The following LMNB1 variants were observed in gnomAD, a reference collection of about 807,000 sequenced individuals.
LMNB1 encodes the protein lamin B1.
Under a neutral mutation model 67.1 loss-of-function variants are expected in LMNB1, and 23 were observed. The observed-to-expected ratio is 0.34, with a 90% CI of 0.25 to 0.49. The LOEUF (loss-of-function observed/expected upper bound fraction) is 0.49, where lower values mean the gene tolerates loss of function less well. Among genes scored for constraint, LMNB1 ranks in the 20% least tolerant of loss-of-function variants. The pLI, the probability that LMNB1 is intolerant of heterozygous loss-of-function variation, is 0.99. For synonymous variants in LMNB1, 281 were observed against 282.9 expected (o/e 0.99, Z 0.07); for missense variants, 634 against 746.5 (o/e 0.85, Z 1.76).
intron 5 of LMNB1, among the ~76,000 whole-genome samples, chr5:126,815,557 A>G (rs1751686532): frequency 6.6e-6 from 1 of 152,182 alleles, no homozygotes; most frequent in South Asian, 2.1e-4. Flanking sequence ...ATTACATTAC[A>G]TACTATAAAA....
intron 3 of LMNB1, among the ~76,000 whole-genome samples, chr5:126,809,709 A>C (rs1751537564): frequency 6.6e-6 from 1 of 152,178 alleles, no homozygotes; most frequent in African/African-American, 2.4e-5. Context: ...AAAAGAAAAG[A>C]AAATAGTTTC....
intron 5 of LMNB1, among the ~76,000 whole-genome samples, chr5:126,812,618 C>T (rs1244049324): frequency 6.6e-6 from 1 of 151,988 alleles, no homozygotes; most frequent in African/African-American, 2.4e-5. Flanking sequence ...CAGCAATTAA[C>T]TCGTCACCTT....
At chr5:126,788,407 T>C (rs1342340993) in intron 1 of LMNB1, among the ~76,000 whole-genome samples, 2 of 151,982 alleles carry the variant, frequency 1.3e-5, no homozygotes, top group Non-Finnish European at 2.9e-5. Flanking sequence ...GGAGGCTGAG[T>C]GTGTGGATCA....
At chr5:126,787,546 A>ATATATATATATATTTTTTTT in intron 1 of LMNB1, among the ~76,000 whole-genome samples, 2 of 65,576 alleles carry the variant, frequency 3.0e-5, no homozygotes, top group Admixed American at 2.2e-4. Flanking sequence ...ATATATATAT[A>ATATATATATATATTTTTTTT]TTTTTTTTTT....
At chr5:126,827,721 A>T (rs1446477198) in intron 9 of LMNB1, among the ~76,000 whole-genome samples, 1 of 152,214 alleles carries the variant, frequency 6.6e-6, no homozygotes, top group African/African-American at 2.4e-5. Flanking sequence ...GCCCTAGAAA[A>T]TATTGACATT....
rs1258278421 is a variant in LMNB1 at position 126,818,970 on chromosome 5, A to G, written c.988A>G (p.Lys330Glu). 1.2e-6 allele frequency: 2 copies of G among 1,614,070 alleles called. No individual in the cohort carries two copies. The highest frequency in any genetic ancestry group is 8.5e-7 in the Non-Finnish European group (1 of 1,180,006). Residue 330 changes from lysine (K) to glutamate (E), a missense_variant, in exon 6 of 11, where the codon AAA (lysine) becomes GAA (glutamate). By Grantham distance (56) the Lys-to-Glu change is moderately conservative (BLOSUM62 1). Coordinates refer to ENST00000261366, the MANE Select transcript of LMNB1 (RefSeq NM_005573.4). ...TCAAGAATTAGAGGACTTGCTTGCTAAAGAAAAAGACAACTCTCGTCGCAT... is the reference window on the plus strand; with the variant it reads ...TCAAGAATTAGAGGACTTGCTTGCTGAAGAAAAAGACAACTCTCGTCGCAT... Reference protein sequence around the residue: ...RIQELEDLLAKEKDNSRRMLT... With the variant: ...RIQELEDLLAEEKDNSRRMLT...
intron 9 of LMNB1, among the ~76,000 whole-genome samples, chr5:126,829,409 T>C (rs1580558126): frequency 6.6e-6 from 1 of 151,910 alleles, no homozygotes; most frequent in East Asian, 1.9e-4. Flanking sequence ...GTGCTCTTTA[T>C]GGTGGAGTTT....
At chr5:126,810,446 T>C in intron 4 of LMNB1, 96 bp downstream of exon 4, 1 of 958,234 alleles carries the variant, frequency 1.0e-6, no homozygotes, top group Non-Finnish European at 1.5e-6. Context: ...GTTCTAGTTT[T>C]TAAAAATGAT....
At chr5:126,801,020 C>G (rs1252606837) in intron 1 of LMNB1, among the ~76,000 whole-genome samples, 1 of 101,022 alleles carries the variant, frequency 9.9e-6, no homozygotes, top group South Asian at 3.6e-4. Flanking sequence ...GTCTCACTCT[C>G]TCACCAAGGC....
intron 1 of LMNB1, among the ~76,000 whole-genome samples, chr5:126,785,780 G>T (rs1235345839): frequency 1.3e-5 from 2 of 152,002 alleles, no homozygotes; most frequent in Non-Finnish European, 2.9e-5. Flanking sequence ...TTTGGAGGCC[G>T]AGGTGGGCGG....
Position 126,777,731 on chromosome 5 carries a change from C to G in LMNB1, c.223C>G (p.Leu75Val). The G allele has an allele frequency of 1.9e-6, 3 of 1,540,740 alleles. No homozygotes were observed. The highest frequency in any genetic ancestry group is 1.7e-4 in the Middle Eastern group (1 of 5,802). Residue 75 changes from leucine to valine, a missense_variant, in exon 1 of 11, where the codon CTC becomes GTC. Physicochemically the swap from Leu to Val is conservative, Grantham distance 32. Transcript: ENST00000261366. ...TEREEVRGRELTGLKALYETE... is the reference protein window; with the variant it reads ...TEREEVRGREVTGLKALYETE... ...GCGCGAGGAGGTGCGCGGCCGTGAG[C>G]TCACCGGCCTCAAGGCGCTCTACGA...
chr5:126,788,552 A>G (rs1750868197), intron 1 of LMNB1, among the ~76,000 whole-genome samples: 1 of 152,088 alleles, frequency 6.6e-6, no homozygotes, highest in Non-Finnish European at 1.5e-5. Flanking sequence ...CAGGAGAATC[A>G]CTTGAACCTG....
At position 126,817,568 on chromosome 5, in the gene LMNB1, A is replaced by G. The variant is rs144468891; in HGVS notation, c.940-1354A>G. ...TCTGACTTGAATCTAGTAGGACAGC[A>G]TTCAATTTTGGCTTCCTTTCTGACA... On this transcript the variant is annotated intron_variant, in intron 5 of 10. Transcript: ENST00000261366. 2.1e-4 allele frequency among the ~76,000 whole-genome samples: 32 copies of G among 152,312 alleles called. No homozygotes were observed. In the East Asian group the frequency reaches 4.0e-3, roughly 19 times the overall value.
chr5:126,805,805 T>TA, intron 3 of LMNB1, 109 bp downstream of exon 3: 1 of 845,224 alleles, frequency 1.2e-6, no homozygotes, highest in Non-Finnish European at 1.7e-6. Flanking sequence ...GCCACAAAAA[T>TA]ATATCAGATA....
chr5:126,786,221 C>T (rs906556512), intron 1 of LMNB1, among the ~76,000 whole-genome samples: 1 of 146,032 alleles, frequency 6.8e-6, no homozygotes, highest in Admixed American at 7.1e-5. Context: ...CTCTTGAGTT[C>T]ACGCCATTCT....
At chr5:126,792,661 C>T (rs1158978997) in intron 1 of LMNB1, among the ~76,000 whole-genome samples, 2 of 149,848 alleles carry the variant, frequency 1.3e-5, no homozygotes, top group Non-Finnish European at 3.0e-5. Context: ...ACCGCAACCT[C>T]CGCCTCCCAG....
At chr5:126,824,359 C>G (rs1436055111) in intron 8 of LMNB1, among the ~76,000 whole-genome samples, 1 of 152,000 alleles carries the variant, frequency 6.6e-6, no homozygotes, top group East Asian at 1.9e-4. Flanking sequence ...AACATGTAAT[C>G]AGTCTAAAAA....
At chr5:126,786,227 A>G (rs1243326511) in intron 1 of LMNB1, among the ~76,000 whole-genome samples, 2 of 144,438 alleles carry the variant, frequency 1.4e-5, no homozygotes, top group Non-Finnish European at 3.0e-5. Flanking sequence ...AGTTCACGCC[A>G]TTCTCCTGCC....
intron 5 of LMNB1, among the ~76,000 whole-genome samples, chr5:126,812,718 C>CTTTTTTTT (rs11430160): frequency 3.4e-4 from 40 of 117,154 alleles, no homozygotes; most frequent in African/African-American, 4.8e-4. Context: ...CTTTATTTTA[C>CTTTTTTTT]TTTTTTTTTT....
Sources: gnomAD v4.1 joint callset for allele counts (sites outside exome capture counted in the v4.1 genomes callset) on GRCh38, gnomAD v4.1.1 for gene constraint, MANE v1.5 for transcripts, NCBI Gene and HGNC (gene_info 2026-07-23, HGNC 2026-07-21) for gene names.